The following SPATA6L variants were observed in gnomAD, a reference collection of about 807,000 sequenced individuals.
SPATA6L encodes the protein spermatogenesis associated 6-like protein.
In SPATA6L, 68 loss-of-function variants were observed where a neutral mutation model predicts 49.2. The observed-to-expected ratio is 1.38, with a 90% CI of 1.14 to 1.69. The LOEUF (loss-of-function observed/expected upper bound fraction) is 1.69. SPATA6L is among the 40% of genes most tolerant of loss of function. The pLI is 0.00. For missense variants in SPATA6L, 668 were observed against 464.3 expected (o/e 1.44, Z -4.03); for synonymous variants, 198 against 165.7 (o/e 1.19, Z -1.50).
chr9:4,627,733 C>G (rs1294329728), intron 5 of SPATA6L: 1 of 1,289,042 alleles, frequency 7.8e-7, no homozygotes, highest in Non-Finnish European at 1.0e-6. Flanking sequence ...CATGGATGCC[C>G]TAAGACGCTT....
At chr9:4,597,044 T>C (rs1403080089), downstream of SPATA6L, among the ~76,000 whole-genome samples, 2 of 152,190 alleles carry the variant, frequency 1.3e-5, no homozygotes, top group Non-Finnish European at 2.9e-5. Context: ...AACAATAACA[T>C]TATTAGACAG....
At chr9:4,609,880 T>A (rs1219921379) in intron 9 of SPATA6L, among the ~76,000 whole-genome samples, 1 of 152,008 alleles carries the variant, frequency 6.6e-6, no homozygotes, top group African/African-American at 2.4e-5. Context: ...ACGACATGAT[T>A]GTGTGTGCAG....
intron 9 of SPATA6L, among the ~76,000 whole-genome samples, chr9:4,611,655 G>C (rs1164750638): frequency 8.4e-6 from 1 of 119,286 alleles, no homozygotes; most frequent in South Asian, 3.6e-4. Context: ...TTGTGGGGTG[G>C]GGGGAGGGGG....
intron 4 of SPATA6L, among the ~76,000 whole-genome samples, chr9:4,630,925 A>G (rs1371764989): frequency 5.9e-5 from 9 of 152,244 alleles, no homozygotes; most frequent in Non-Finnish European, 1.3e-4. Context: ...TCTCATAGCC[A>G]TTCATGACAA....
chr9:4,626,316 G>C (rs574737730), intron 5 of SPATA6L: 3 of 1,188,382 alleles, frequency 2.5e-6, no homozygotes, highest in Non-Finnish European at 3.2e-6. Flanking sequence ...AGAGCCCCCT[G>C]TTCAGATTTG....
At chr9:4,616,915 T>G (rs116023440) in intron 9 of SPATA6L, among the ~76,000 whole-genome samples, 4 of 152,222 alleles carry the variant, frequency 2.6e-5, no homozygotes, top group African/African-American at 9.7e-5. Context: ...CTATGTTGTA[T>G]TATTTTCTTC....
At chr9:4,629,513 G>A (rs1488116420) in intron 4 of SPATA6L, among the ~76,000 whole-genome samples, 1 of 151,794 alleles carries the variant, frequency 6.6e-6, no homozygotes, top group South Asian at 2.1e-4. Context: ...CGGCTCCAGT[G>A]TCCATGATGT....
chr9:4,616,336 C>T, intron 9 of SPATA6L, among the ~76,000 whole-genome samples: 1 of 152,114 alleles, frequency 6.6e-6, no homozygotes, highest in East Asian at 1.9e-4. Context: ...TGAAATCACC[C>T]AGCACTTAGA....
At chr9:4,609,189 G>A (rs1316153360) in intron 9 of SPATA6L, among the ~76,000 whole-genome samples, 11 of 151,548 alleles carry the variant, frequency 7.3e-5, no homozygotes, top group Admixed American at 2.6e-4. Context: ...ACGACCAGAT[G>A]GATTCACAGC....
At chr9:4,652,250 G>C (rs926728603) in intron 3 of SPATA6L, among the ~76,000 whole-genome samples, 2 of 151,952 alleles carry the variant, frequency 1.3e-5, no homozygotes, top group Non-Finnish European at 2.9e-5. Flanking sequence ...GAGAAACCCC[G>C]TCTCTACTAA....
chr9:4,654,870 G>A (rs955321516), intron 3 of SPATA6L, among the ~76,000 whole-genome samples: 3 of 132,158 alleles, frequency 2.3e-5, no homozygotes, highest in Non-Finnish European at 4.5e-5. Context: ...ACATTTGGGC[G>A]GGAAAGCAGG....
chr9:4,658,646 G>C (rs1200732188), intron 2 of SPATA6L, among the ~76,000 whole-genome samples: 1 of 152,120 alleles, frequency 6.6e-6, no homozygotes, highest in Admixed American at 6.6e-5. Context: ...GAGTTATCTA[G>C]TTGTGTGCTT....
At chr9:4,590,437 G>A in intron 13 of SPATA6L, among the ~76,000 whole-genome samples, 1 of 152,200 alleles carries the variant, frequency 6.6e-6, no homozygotes, top group East Asian at 1.9e-4. Context: ...GTGTGATTTG[G>A]AAGGTGTCTC....
intron 5 of SPATA6L, chr9:4,625,964 T>G (rs1830272244): frequency 6.3e-6 from 1 of 157,792 alleles, no homozygotes. Flanking sequence ...TTATGATAGT[T>G]TAAAAGTTAG....
intron 9 of SPATA6L, among the ~76,000 whole-genome samples, chr9:4,614,642 C>CCAG (rs1452510873): frequency 6.6e-6 from 1 of 152,122 alleles, no homozygotes; most frequent in Non-Finnish European, 1.5e-5. Context: ...GTGAAGGTGA[C>CCAG]CAGCTGTCTT....
At chr9:4,594,123 A>G (rs1564080646), downstream of SPATA6L, among the ~76,000 whole-genome samples, 1 of 152,030 alleles carries the variant, frequency 6.6e-6, no homozygotes. Flanking sequence ...TGGCTTTTCC[A>G]CCATCTTTTT....
chr9:4,594,286 T>C (rs1822094008), downstream of SPATA6L, among the ~76,000 whole-genome samples: 1 of 152,208 alleles, frequency 6.6e-6, no homozygotes, highest in Non-Finnish European at 1.5e-5. Context: ...CTCAGCTCAC[T>C]GCAAGCTCTG....
chr9:4,627,944 T>G, intron 5 of SPATA6L: 2 of 547,326 alleles, frequency 3.7e-6, no homozygotes, highest in South Asian at 3.5e-5. Context: ...TTTTATGTCT[T>G]GCAACAACGT....
chr9:4,637,882 T>C (rs1833122960), intron 3 of SPATA6L, among the ~76,000 whole-genome samples: 1 of 152,144 alleles, frequency 6.6e-6, no homozygotes, highest in South Asian at 2.1e-4. Context: ...TTCCACACTG[T>C]TAAAAAAAGG....
Sources: allele counts gnomAD v4.1 joint callset (sites outside exome capture counted in the v4.1 genomes callset), GRCh38; gene constraint gnomAD v4.1.1; transcripts MANE v1.5; gene names NCBI Gene and HGNC (gene_info 2026-07-23, HGNC 2026-07-21).